VPS54: variants seen among roughly 807,000 people sequenced by gnomAD.
VPS54 encodes the protein vacuolar protein sorting-associated protein 54.
Under a neutral mutation model 121.5 loss-of-function variants are expected in VPS54, and 45 were observed. That is an observed-to-expected ratio of 0.37 (90% CI 0.29 to 0.47). The LOEUF is 0.47. Among genes scored for constraint, VPS54 ranks in the 20% least tolerant of loss-of-function variants. VPS54 has a pLI of 0.99. For synonymous variants in VPS54, 371 were observed against 385.8 expected (o/e 0.96, Z 0.45); for missense variants, 1,090 against 1,131.4 (o/e 0.96, Z 0.52).
chr2:63,970,252 TAG>T (rs1319743844), intron 4 of VPS54, among the ~76,000 whole-genome samples: 1 of 94,466 alleles, frequency 1.1e-5, no homozygotes. Flanking sequence ...AATATATATA[TAG>T]ATATATATAG....
intron 11 of VPS54, among the ~76,000 whole-genome samples, chr2:63,935,355 T>C (rs924046072): frequency 1.3e-5 from 2 of 152,198 alleles, no homozygotes; most frequent in African/African-American, 4.8e-5. Flanking sequence ...GTGTCTACTA[T>C]GGATACTGCA....
chr2:63,990,270 C>T (rs543621511), intron 1 of VPS54, among the ~76,000 whole-genome samples: 44 of 151,850 alleles, frequency 2.9e-4, no homozygotes, highest in Non-Finnish European at 5.9e-4. Flanking sequence ...CTTAACGTTA[C>T]CCCCTGCTGA....
At chr2:63,950,329 G>T (rs918646872) in intron 7 of VPS54, among the ~76,000 whole-genome samples, 3 of 152,076 alleles carry the variant, frequency 2.0e-5, no homozygotes, top group African/African-American at 7.2e-5. Flanking sequence ...TTTCCATAGA[G>T]TAGTGTGTGT....
intron 1 of VPS54, among the ~76,000 whole-genome samples, chr2:64,000,986 A>G (rs1677846755): frequency 6.6e-6 from 1 of 152,218 alleles, no homozygotes; most frequent in South Asian, 2.1e-4. Context: ...CCAAGTCCTC[A>G]TGTAAGTCCA....
intron 11 of VPS54, among the ~76,000 whole-genome samples, chr2:63,936,263 T>A (rs1438126826): frequency 6.6e-6 from 1 of 152,204 alleles, no homozygotes; most frequent in Admixed American, 6.5e-5. Flanking sequence ...GTATCTACAC[T>A]TTTAAAGATT....
At chr2:63,900,888 G>T (rs140049270) in intron 20 of VPS54, among the ~76,000 whole-genome samples, 2,923 of 152,020 alleles carry the variant, frequency 0.019, 61 homozygotes, top group Admixed American at 0.048. Context: ...TCAGCCTCCC[G>T]AGTAGCTGGG....
At chr2:63,947,757 T>C (rs898202579) in intron 8 of VPS54, among the ~76,000 whole-genome samples, 2 of 152,178 alleles carry the variant, frequency 1.3e-5, no homozygotes, top group Non-Finnish European at 1.5e-5. Context: ...TTTTTTGTTC[T>C]AGTTTCAACA....
intron 7 of VPS54, among the ~76,000 whole-genome samples, chr2:63,951,374 T>C (rs1675235710): frequency 6.6e-6 from 1 of 152,092 alleles, no homozygotes; most frequent in South Asian, 2.1e-4. Flanking sequence ...CATGGTGTTA[T>C]TTAAGGTGTA....
chr2:63,991,413 T>C (rs113176111), intron 1 of VPS54, among the ~76,000 whole-genome samples: 3,340 of 152,300 alleles, frequency 0.022, 34 homozygotes, highest in East Asian at 0.035. Context: ...CCTGCATATA[T>C]TAAAGCTTGT....
At chr2:63,975,078 C>T in intron 3 of VPS54, 2 of 1,530,804 alleles carry the variant, frequency 1.3e-6, no homozygotes, top group South Asian at 2.4e-5. Context: ...CAGAGTCTCA[C>T]TCTGTCACCC....
Position 63,914,252 on chromosome 2 carries a change from T to A in VPS54, c.2264A>T (p.Tyr755Phe), listed in dbSNP as rs1458646453. The change falls in exon 17 of 23, where the codon TAT (tyrosine) becomes TTT (phenylalanine). Residue 755 changes from tyrosine to phenylalanine, a missense_variant. Tyr to Phe is a conservative substitution (Grantham distance 22). This residue lies in a region of VPS54 where 289 missense variants were observed against 374.4 expected (regional missense o/e 0.77). Coordinates refer to ENST00000272322, the MANE Select transcript of VPS54 (RefSeq NM_016516.3). ...TGGGATGTTATCCACACACTGGCAA[T>A]ATTCAAGGATAATTCTTATTAACAG... ...VLLLIRIILEYCQCVDNIPSV... is the reference protein window; with the variant it reads ...VLLLIRIILEFCQCVDNIPSV... 6.2e-7 allele frequency: 1 copy of A among 1,613,350 alleles called. No homozygotes were observed. The highest frequency in any genetic ancestry group is 8.5e-7 in the Non-Finnish European group (1 of 1,179,706).
chr2:63,992,415 C>A (rs1271899810), intron 1 of VPS54, among the ~76,000 whole-genome samples: 1 of 152,200 alleles, frequency 6.6e-6, no homozygotes, highest in Non-Finnish European at 1.5e-5. Context: ...CCGTCTCCGT[C>A]CAAAACATGA....
chr2:63,903,943 C>T (rs1160005457), intron 20 of VPS54, among the ~76,000 whole-genome samples: 2 of 151,994 alleles, frequency 1.3e-5, no homozygotes, highest in Admixed American at 6.6e-5. Flanking sequence ...CAATGAAAGA[C>T]AGTAATTGTC....
chr2:63,923,611 T>C (rs1425656381), intron 12 of VPS54, among the ~76,000 whole-genome samples: 1 of 152,204 alleles, frequency 6.6e-6, no homozygotes, highest in Non-Finnish European at 1.5e-5. Flanking sequence ...TGGAATATTA[T>C]TCAGCCTTAA....
Position 63,912,662 on chromosome 2 carries a change from C to A in VPS54, c.2423-1G>T. On this transcript the variant is annotated splice_acceptor_variant, in intron 18 of 22. Coordinates refer to ENST00000272322, the MANE Select transcript of VPS54 (RefSeq NM_016516.3). LOFTEE classifies it high-confidence loss of function. Reference sequence around the variant, plus strand: ...AACTGCAAACATCGTGAAGAAAGAGCTGAAGATCCAGGGAGTAGATATATA... The same window carrying A: ...AACTGCAAACATCGTGAAGAAAGAGATGAAGATCCAGGGAGTAGATATATA... The A allele has an allele frequency of 6.4e-7, 1 of 1,564,664 alleles. No homozygotes were observed. The highest frequency in any genetic ancestry group is 1.4e-5 in the African/African-American group (1 of 70,908).
intron 3 of VPS54, among the ~76,000 whole-genome samples, chr2:63,978,428 A>T (rs563857481): frequency 6.6e-6 from 1 of 152,296 alleles, no homozygotes; most frequent in Non-Finnish European, 1.5e-5. Flanking sequence ...GCCTCACCTT[A>T]TCCTAGAACC....
intron 11 of VPS54, among the ~76,000 whole-genome samples, chr2:63,941,099 G>T (rs1403506381): frequency 6.6e-6 from 1 of 152,116 alleles, no homozygotes; most frequent in African/African-American, 2.4e-5. Flanking sequence ...GGAGATGCTG[G>T]GGATGTTAAC....
At chr2:64,001,917 G>C (rs1363708629) in intron 1 of VPS54, among the ~76,000 whole-genome samples, 1 of 152,084 alleles carries the variant, frequency 6.6e-6, no homozygotes, top group African/African-American at 2.4e-5. Context: ...GCCGAGCCCA[G>C]TTCAGCACTA....
At chr2:63,957,846 C>T (rs1301685215) in intron 7 of VPS54, among the ~76,000 whole-genome samples, 1 of 152,128 alleles carries the variant, frequency 6.6e-6, no homozygotes, top group African/African-American at 2.4e-5. Flanking sequence ...TAGAATCTCC[C>T]AGAGAGCTTT....
Sources: gnomAD v4.1 joint callset for allele counts (sites outside exome capture counted in the v4.1 genomes callset) on GRCh38, gnomAD v4.1.1 for gene constraint, gnomAD v4.1.1 regional missense constraint, MANE v1.5 for transcripts, NCBI Gene and HGNC (gene_info 2026-07-23, HGNC 2026-07-21) for gene names.